WDFY4: variants seen among roughly 807,000 people sequenced by gnomAD.
WDFY4 encodes WDFY family member 4.
Under a neutral mutation model 351.9 loss-of-function variants are expected in WDFY4, and 169 were observed. That is an observed-to-expected ratio of 0.48 (90% CI 0.42 to 0.55). The LOEUF is 0.55. WDFY4 is among the 20% of genes least tolerant of loss of function. WDFY4 has a pLI of 0.00. For synonymous variants in WDFY4, 1,622 were observed against 1,574.6 expected (o/e 1.03, Z -0.71); for missense variants, 3,803 against 3,935.6 (o/e 0.97, Z 0.90).
At chr10:48,909,509 G>A (rs1837815999) in intron 47 of WDFY4, 1 of 152,126 alleles carries the variant, frequency 6.6e-6, no homozygotes, top group South Asian at 2.1e-4. Context: ...GTTTATTTGA[G>A]TCATGGTTCT....
chr10:48,758,928 C>A (rs764373541), intron 12 of WDFY4, among the ~76,000 whole-genome samples: 7 of 152,170 alleles, frequency 4.6e-5, no homozygotes, highest in Non-Finnish European at 1.0e-4. Context: ...GATGTTGAGA[C>A]TTCCCTGGTT....
chr10:48,692,356 G>C lies in WDFY4; in HGVS notation c.-18+7355G>C, dbSNP rs987590272. 2.0e-5 allele frequency among the ~76,000 whole-genome samples: 3 copies of C among 152,072 alleles called. No homozygotes were observed. The South Asian group carries it at 6.2e-4, about 32-fold the overall frequency. On this transcript the variant is annotated intron_variant, in intron 1 of 61. Coordinates refer to ENST00000325239, the MANE Select transcript of WDFY4 (RefSeq NM_001394531.1). The stretch of plus-strand genomic sequence containing the variant: ...CAGAAGGGCGGGACAGTGCCCCTAG[G>C]TGAGTCTACACCTCTGCCAGTGGGC...
At chr10:48,699,932 C>T (rs1439593834) in intron 1 of WDFY4, among the ~76,000 whole-genome samples, 1 of 152,172 alleles carries the variant, frequency 6.6e-6, no homozygotes, top group African/African-American at 2.4e-5. Context: ...CTCCTCACCT[C>T]CTGAGAACTC....
At chr10:48,897,611 G>T in intron 45 of WDFY4, 37 bp downstream of exon 45, 4 of 1,535,314 alleles carry the variant, frequency 2.6e-6, no homozygotes, top group Non-Finnish European at 3.5e-6. Context: ...TGGGGCCTGC[G>T]AGAGGCAGGG....
chr10:48,786,144 T>C (rs1423615110), intron 19 of WDFY4, among the ~76,000 whole-genome samples: 1 of 152,228 alleles, frequency 6.6e-6, no homozygotes, highest in Non-Finnish European at 1.5e-5. Context: ...GTTTGTTTAT[T>C]GTTAGCCTAC....
At chr10:48,816,442 T>C (rs2067623137) in intron 31 of WDFY4, among the ~76,000 whole-genome samples, 1 of 152,246 alleles carries the variant, frequency 6.6e-6, no homozygotes, top group South Asian at 2.1e-4. Context: ...GTGGTGAAGA[T>C]TTTTGGTTTT....
chr10:48,858,078 G>A (rs945773281), intron 39 of WDFY4, among the ~76,000 whole-genome samples: 6 of 152,144 alleles, frequency 3.9e-5, no homozygotes, highest in Non-Finnish European at 7.4e-5. Flanking sequence ...ACAGATGTGA[G>A]CCACCACGCC....
chr10:48,966,762 C>G, intron 55 of WDFY4, 89 bp downstream of exon 55: 1 of 1,467,984 alleles, frequency 6.8e-7, no homozygotes. Context: ...GCACCACATA[C>G]CTGGGCAAAG....
chr10:48,831,750 AG>A (rs1389740190), intron 38 of WDFY4, among the ~76,000 whole-genome samples: 1 of 152,168 alleles, frequency 6.6e-6, no homozygotes, highest in Non-Finnish European at 1.5e-5. Flanking sequence ...GTGCCTGCTG[AG>A]GGCTGTGTCT....
At chr10:48,785,151 C>T (rs376928067) in intron 19 of WDFY4, among the ~76,000 whole-genome samples, 10 of 152,210 alleles carry the variant, frequency 6.6e-5, no homozygotes, top group East Asian at 1.9e-4. Flanking sequence ...TGAGCCATTG[C>T]GCCTGGCCTT....
At chr10:48,745,777 GCAGAAACAC>G (rs1436044993) in intron 12 of WDFY4, 2 of 446,808 alleles carry the variant, frequency 4.5e-6, no homozygotes, top group Admixed American at 7.0e-5. Context: ...CTTGCGGGCA[GCAGAAACAC>G]CCATCTAGTT....
intron 39 of WDFY4, among the ~76,000 whole-genome samples, chr10:48,860,363 T>C (rs1309883772): frequency 6.6e-6 from 1 of 152,218 alleles, no homozygotes; most frequent in Non-Finnish European, 1.5e-5. Flanking sequence ...GTCCGAGAGC[T>C]AGGTGCCGGC....
chr10:48,916,114 A>G (rs1838505656), intron 47 of WDFY4, among the ~76,000 whole-genome samples: 1 of 152,248 alleles, frequency 6.6e-6, no homozygotes, highest in South Asian at 2.1e-4. Flanking sequence ...GATAAGTGAT[A>G]TCAGGCAGAT....
intron 31 of WDFY4, among the ~76,000 whole-genome samples, chr10:48,815,402 G>C (rs913177185): frequency 6.6e-6 from 1 of 151,942 alleles, no homozygotes; most frequent in African/African-American, 2.4e-5. Context: ...GTTTTTCTGG[G>C]TGTGTGGGAT....
chr10:48,742,950 A>G lies in WDFY4; in HGVS notation c.1879-18A>G. 1 of 1,531,880 alleles carries G rather than the reference A, an allele frequency of 6.5e-7. No individual in the cohort carries two copies. 94.9% of individuals were successfully genotyped at this position (1,531,880 alleles called of 1,614,324 possible). A position where few individuals can be genotyped will look rare whatever the true frequency, so the allele number is the denominator to read the frequency against. ...TACCTCCTGGAGTGCACTCATTTTG[A>G]TTTGCTTGGTGTTTCAGTCTCTGCT... On this transcript the variant is annotated intron_variant, in intron 11 of 61. Transcript: ENST00000325239.
At chr10:48,761,394 A>G (rs986766477) in intron 13 of WDFY4, among the ~76,000 whole-genome samples, 2 of 152,152 alleles carry the variant, frequency 1.3e-5, no homozygotes, top group Non-Finnish European at 2.9e-5. Flanking sequence ...GAGGGTTGAG[A>G]GGAAGAGGCA....
At chr10:48,720,160 G>T in intron 3 of WDFY4, 35 bp downstream of exon 3, 1 of 1,544,648 alleles carries the variant, frequency 6.5e-7, no homozygotes, top group South Asian at 1.2e-5. Context: ...ACCCTCTACA[G>T]AGAGCAGTGC....
intron 39 of WDFY4, among the ~76,000 whole-genome samples, chr10:48,854,789 G>A (rs1053527021): frequency 6.6e-6 from 1 of 152,174 alleles, no homozygotes; most frequent in Non-Finnish European, 1.5e-5. Context: ...ACCCATGGGT[G>A]TCATCATGAC....
At chr10:48,901,142 A>T (rs991051563) in intron 46 of WDFY4, among the ~76,000 whole-genome samples, 2 of 152,226 alleles carry the variant, frequency 1.3e-5, no homozygotes, top group African/African-American at 4.8e-5. Flanking sequence ...GGAGAAAAAC[A>T]ACTGTAGAGA....
Sources: allele counts gnomAD v4.1 joint callset (sites outside exome capture counted in the v4.1 genomes callset), GRCh38; gene constraint gnomAD v4.1.1; transcripts MANE v1.5; gene names NCBI Gene and HGNC (gene_info 2026-07-23, HGNC 2026-07-21).